Variants in ATRIP observed in about 807,000 individuals in gnomAD.
ATRIP encodes the protein ATR-interacting protein.
Under a neutral mutation model 78.1 loss-of-function variants are expected in ATRIP, and 44 were observed. That is an observed-to-expected ratio of 0.56 (90% CI 0.44 to 0.72). The LOEUF is 0.72. ATRIP is among the 30% of genes least tolerant of loss of function. ATRIP has a pLI of 0.00. For missense variants in ATRIP, 927 were observed against 980.2 expected (o/e 0.95, Z 0.72); for synonymous variants, 388 against 408.9 (o/e 0.95, Z 0.62).
chr3:48,455,251 C>T (rs1231714427), intron 4 of ATRIP, among the ~76,000 whole-genome samples: 1 of 152,192 alleles, frequency 6.6e-6, no homozygotes, highest in East Asian at 1.9e-4. Context: ...GTGTGTGAAA[C>T]TGAACTCTCC....
Position 48,446,771 on chromosome 3 carries a change from G to A in ATRIP, c.-75G>A, listed in dbSNP as rs1437787854. On this transcript the variant is annotated 5_prime_UTR_variant, in exon 1 of 13. Transcript: ENST00000320211. ...GGAGGCAAGCGGCGGCGCGCGGACG[G>A]TTGGTCCAGTTCTCCGGCCTGGCGG... 1.5e-5 allele frequency: 20 copies of A among 1,335,150 alleles called. No individual in the cohort carries two copies. Among genetic ancestry groups the A allele is most frequent in the Middle Eastern group, 3.0e-4 (1 of 3,376 alleles). The allele number at this position is 1,335,150 out of a possible 1,614,324, so 82.7% of individuals were successfully genotyped here.
intron 5 of ATRIP, among the ~76,000 whole-genome samples, chr3:48,458,022 C>A (rs1251828798): frequency 1.3e-5 from 2 of 151,894 alleles, no homozygotes; most frequent in Non-Finnish European, 2.9e-5. Flanking sequence ...TATCCCTCCC[C>A]CCTCCTCCCA....
chr3:48,457,120 G>C (rs780221192), intron 4 of ATRIP, 139 bp from the exon 5 acceptor site: 17 of 630,260 alleles, frequency 2.7e-5, no homozygotes, highest in Non-Finnish European at 4.0e-5. Flanking sequence ...ACAAAGAATG[G>C]TAGACATATA....
In ATRIP at chr3:48,457,362, C is replaced by A; in HGVS notation, c.775C>A (p.Leu259Ile). 2 of 1,603,062 alleles carry A rather than the reference C, an allele frequency of 1.2e-6. No homozygotes were observed. The highest frequency in any genetic ancestry group is 1.7e-6 in the Non-Finnish European group (2 of 1,175,210). ...GGAGTCTTTTAGTGCTAACATGTCC[C>A]TTCCCCACCCCTGCCAGACGGAGTC... ...TKESFSANMSLPHPCQTESGY... is the reference protein window; with the variant it reads ...TKESFSANMSIPHPCQTESGY... Residue 259 changes from leucine to isoleucine, a missense_variant, in exon 5 of 13, where the codon CTT becomes ATT. By Grantham distance (5) the Leu-to-Ile change is conservative. Coordinates refer to ENST00000320211, the MANE Select transcript of ATRIP (RefSeq NM_130384.3).
At chr3:48,464,493 G>A (rs764100049) in intron 10 of ATRIP, 89 bp from the exon 11 acceptor site, 7 of 1,377,784 alleles carry the variant, frequency 5.1e-6, no homozygotes, top group African/African-American at 1.4e-5. Context: ...AGTTGCTGAA[G>A]CAAGTGAACT....
chr3:48,446,993 G>A lies in ATRIP; in HGVS notation c.148G>A (p.Gly50Ser), dbSNP rs763526910. Residue 50 changes from glycine to serine, a missense_variant, in exon 1 of 13, where the codon GGC becomes AGC. By Grantham distance (56) the Gly-to-Ser change is moderately conservative (BLOSUM62 0). Transcript: ENST00000320211. ...TGCCCCGGACCCTGACGACCCGTTC[G>A]GCGCGCATGGGGACTTCACTGCCGA... Reference protein sequence around the residue: ...AAAPDPDDPFGAHGDFTADDL... With the variant: ...AAAPDPDDPFSAHGDFTADDL... The A allele has an allele frequency of 4.4e-6, 7 of 1,575,392 alleles. No individual in the cohort carries two copies. The highest frequency in any genetic ancestry group is 6.0e-6 in the Non-Finnish European group (7 of 1,164,104).
rs1261285646 is a variant in ATRIP at position 48,464,028 on chromosome 3, C to T, written c.1883-13C>T. On this transcript the variant is annotated splice_polypyrimidine_tract_variant and intron_variant, in intron 9 of 12. Coordinates refer to ENST00000320211, the MANE Select transcript of ATRIP (RefSeq NM_130384.3). ...AAGGGCACCCTGAGTGAGAGGTGCG[C>T]TGTCCTTTTCAGAAGGCTGCCTCCT... The T allele has an allele frequency of 6.2e-7, 1 of 1,612,502 alleles. No individual in the cohort carries two copies. Among genetic ancestry groups the T allele is most frequent in the Non-Finnish European group, 8.5e-7 (1 of 1,179,282 alleles).
intron 3 of ATRIP, among the ~76,000 whole-genome samples, chr3:48,453,505 T>G (rs2039883031): frequency 6.6e-6 from 1 of 152,224 alleles, no homozygotes; most frequent in Non-Finnish European, 1.5e-5. Context: ...TTCCCTTATC[T>G]GTTCCAAGAC....
At chr3:48,457,498 A>G (rs1162065971) in intron 5 of ATRIP, 82 bp downstream of exon 5, 2 of 1,137,362 alleles carry the variant, frequency 1.8e-6, no homozygotes, top group African/African-American at 1.6e-5. Flanking sequence ...TTTTCTCCCA[A>G]TTTCTGTGAT....
Position 48,465,590 on chromosome 3 carries a change from C to A in ATRIP, c.*36C>A. The A allele has an allele frequency of 1.3e-6, 2 of 1,557,276 alleles. No individual in the cohort carries two copies. The highest frequency in any genetic ancestry group is 1.8e-6 in the Non-Finnish European group (2 of 1,128,698). On this transcript the variant is annotated 3_prime_UTR_variant, in exon 13 of 13. Transcript: ENST00000320211. ...GTCCAGCCACATGGTGGCACCAGCA[C>A]CACTCCTTTCCTTACCACATCAACT...
At position 48,457,240 on chromosome 3, in the gene ATRIP, C is replaced by T; in HGVS notation, c.672-19C>T. On this transcript the variant is annotated intron_variant, in intron 4 of 12. Transcript: ENST00000320211. ...TTTAGTAGAATCATTACTTTGCTTT[C>T]ATAGTTAACTTTTTCCAGTCCTAGG... is the stretch of plus-strand genomic sequence containing the variant. The T allele has an allele frequency of 6.6e-7, 1 of 1,524,708 alleles. No individual in the cohort carries two copies. Among genetic ancestry groups the T allele is most frequent in the Non-Finnish European group, 8.8e-7 (1 of 1,138,118 alleles). The allele number at this position is 1,524,708 out of a possible 1,614,324, so 94.4% of individuals were successfully genotyped here.
chr3:48,448,161 C>CTTT lies in ATRIP; in HGVS notation c.247+1087_247+1089dup, dbSNP rs34075060. Among the ~76,000 whole-genome samples the CTTT allele has an allele frequency of 5.1e-4, 60 of 116,728 alleles. 1 individual carries two copies. Among genetic ancestry groups the CTTT allele is most frequent in the African/African-American group, 6.3e-4 (19 of 30,270 alleles). The allele number at this position is 116,728 out of a possible 152,430, so 76.6% of individuals were successfully genotyped here. A position where few individuals can be genotyped will look rare whatever the true frequency, so the allele number is the denominator to read the frequency against. Reference sequence around the variant, plus strand: ...TCTTACACAGATATACGTGAACACCCTTTTTTTTTTTTTTTTTTTTGACGG... The same window carrying CTTT: ...TCTTACACAGATATACGTGAACACCCTTTTTTTTTTTTTTTTTTTTTTTGACGG... On this transcript the variant is annotated intron_variant, in intron 1 of 12. Transcript: ENST00000320211.
In ATRIP at chr3:48,453,993, C is replaced by T. The variant is rs564369547; in HGVS notation, c.553-307C>T. Among the ~76,000 whole-genome samples the T allele has an allele frequency of 4.6e-5, 7 of 152,124 alleles. No homozygotes were observed. The South Asian group carries it at 1.2e-3, about 27-fold the overall frequency. ...CAGGCTGGTCTCGAACTCCTGGGCT[C>T]AAATGATCCTCCCGCCTCAACCTCC... On this transcript the variant is annotated intron_variant, in intron 3 of 12. Transcript: ENST00000320211.
At chr3:48,452,037 A>C in intron 3 of ATRIP, 138 bp downstream of exon 3, 1 of 834,676 alleles carries the variant, frequency 1.2e-6, no homozygotes, top group Non-Finnish European at 1.8e-6. Flanking sequence ...ATTGCCATCC[A>C]CTCTTCTTCC....
intron 1 of ATRIP, 72 bp downstream of exon 1, chr3:48,447,164 T>A: frequency 7.3e-7 from 1 of 1,372,630 alleles, no homozygotes; most frequent in Non-Finnish European, 9.4e-7. Context: ...TGGCTGTGGC[T>A]TCGGAACCTC....
chr3:48,465,946 T>C lies in ATRIP; in HGVS notation c.*392T>C, dbSNP rs1255313735. 2 of 286,058 alleles carry C rather than the reference T, an allele frequency of 7.0e-6. No homozygotes were observed. The highest frequency in any genetic ancestry group is 4.8e-5 in the Admixed American group (1 of 20,804). 17.7% of individuals were successfully genotyped at this position (286,058 alleles called of 1,614,324 possible). A position where few individuals can be genotyped will look rare whatever the true frequency, so the allele number is the denominator to read the frequency against. On this transcript the variant is annotated 3_prime_UTR_variant, in exon 13 of 13. Coordinates refer to ENST00000320211, the MANE Select transcript of ATRIP (RefSeq NM_130384.3). The stretch of plus-strand genomic sequence containing the variant: ...GGAAACTGGGACCCACAGGTGGGCA[T>C]GAAAGGGCCGCAGCAGGGGCTCCCA...
intron 2 of ATRIP, 74 bp downstream of exon 2, chr3:48,450,244 A>G: frequency 6.6e-7 from 1 of 1,508,522 alleles, no homozygotes; most frequent in Non-Finnish European, 9.0e-7. Flanking sequence ...ACAGTAAAAT[A>G]TACAAAAGTT....
chr3:48,462,696 C>T (rs2107233258), intron 8 of ATRIP, among the ~76,000 whole-genome samples: 1 of 151,500 alleles, frequency 6.6e-6, no homozygotes, highest in East Asian at 1.9e-4. Context: ...GAGCGAGACT[C>T]AGTTTCAAAA....
rs72556577 is a variant in ATRIP at position 48,449,988 on chromosome 3, A to G, written c.248-49A>G. ...GGTATTTTCAGCATTTTCTGGCAAAAGTGGGAAAATATTGGGTCCTGAAAT... is the reference window on the plus strand; with the variant it reads ...GGTATTTTCAGCATTTTCTGGCAAAGGTGGGAAAATATTGGGTCCTGAAAT... On this transcript the variant is annotated intron_variant, in intron 1 of 12. Transcript: ENST00000320211. 0.036 allele frequency: 55,809 copies of G among 1,545,664 alleles called. 1,142 individuals are homozygous for G. Among genetic ancestry groups the G allele is most frequent in the Non-Finnish European group, 0.042 (48,488 of 1,151,882 alleles).
Sources: allele counts gnomAD v4.1 joint callset (sites outside exome capture counted in the v4.1 genomes callset), GRCh38; gene constraint gnomAD v4.1.1; transcripts MANE v1.5; gene names NCBI Gene and HGNC (gene_info 2026-07-23, HGNC 2026-07-21).